PHACTR4: variants seen among roughly 807,000 people sequenced by gnomAD.
PHACTR4 encodes the protein phosphatase and actin regulator 4, also known as protein phosphatase 1, regulatory subunit 124.
A neutral mutation model predicts 72.7 loss-of-function variants in PHACTR4; 51 were observed. The observed-to-expected ratio is 0.70, with a 90% CI of 0.56 to 0.89. The LOEUF (loss-of-function observed/expected upper bound fraction) is 0.89. Ranked by LOEUF, PHACTR4 falls within the 40% of genes least tolerant of loss-of-function variation. The probability of loss-of-function intolerance (pLI) is 0.00; values close to 1 mark genes in which losing one functional copy is unlikely to be tolerated. For synonymous variants in PHACTR4, 255 were observed against 302.5 expected (o/e 0.84, Z 1.63); for missense variants, 731 against 861.8 (o/e 0.85, Z 1.90).
chr1:28,481,967 G>A (rs1406196522), intron 9 of PHACTR4, among the ~76,000 whole-genome samples: 4 of 151,772 alleles, frequency 2.6e-5, no homozygotes, highest in South Asian at 2.1e-4. Flanking sequence ...GTGCAATCTC[G>A]GCTTACTGCA....
chr1:28,494,150 A>G (rs1001373580), intron 13 of PHACTR4: 1 of 151,810 alleles, frequency 6.6e-6, no homozygotes, highest in Non-Finnish European at 1.5e-5. Context: ...TCGCTTGAGC[A>G]CAGGAGTTTG....
intron 3 of PHACTR4, among the ~76,000 whole-genome samples, chr1:28,459,640 G>A (rs182460403): frequency 1.3e-5 from 2 of 151,856 alleles, no homozygotes; most frequent in East Asian, 1.9e-4. Flanking sequence ...GGGCTCAAGC[G>A]ATCCTCCCAC....
chr1:28,416,370 A>G (rs1170116014), intron 2 of PHACTR4, among the ~76,000 whole-genome samples: 1 of 152,198 alleles, frequency 6.6e-6, no homozygotes, highest in Non-Finnish European at 1.5e-5. Flanking sequence ...AACACACAAT[A>G]CATATCTGTA....
Position 28,497,071 on chromosome 1 carries a change from G to T in PHACTR4, c.*522G>T, listed in dbSNP as rs1312634434. On this transcript the variant is annotated 3_prime_UTR_variant, in exon 14 of 14. Transcript: ENST00000373839. ...GCCTTCTTACCACACTGGCATATCAGATGAAAGCATTGCACTGTACCTCTC... is the reference window on the plus strand; with the variant it reads ...GCCTTCTTACCACACTGGCATATCATATGAAAGCATTGCACTGTACCTCTC... The T allele has an allele frequency of 5.6e-6, 1 of 178,104 alleles. No individual in the cohort carries two copies. The highest frequency in any genetic ancestry group is 1.2e-5 in the Non-Finnish European group (1 of 84,526). 11.0% of individuals were successfully genotyped at this position (178,104 alleles called of 1,614,324 possible).
At position 28,409,951 on chromosome 1, in the gene PHACTR4, ATTTTTTTTTTTTTTT is replaced by A. The variant is rs57186471; in HGVS notation, c.16+2508_16+2522del. 4.2e-4 allele frequency among the ~76,000 whole-genome samples: 28 copies of A among 66,362 alleles called. 1 individual carries two copies. The highest frequency in any genetic ancestry group is 3.4e-3 in the South Asian group (5 of 1,454). 43.5% of individuals were successfully genotyped at this position (66,362 alleles called of 152,430 possible). ...GAGGGCAGTCTGTACTTCTTCATAA[ATTTTTTTTTTTTTTT>A]TTTTTTTTTTTTTTTTTTTGAGACA... On this transcript the variant is annotated intron_variant, in intron 2 of 13. Coordinates refer to ENST00000373839, the MANE Select transcript of PHACTR4 (RefSeq NM_001048183.3).
chr1:28,380,287 A>C (rs1322144908), intron 1 of PHACTR4, among the ~76,000 whole-genome samples: 1 of 150,902 alleles, frequency 6.6e-6, no homozygotes, highest in Non-Finnish European at 1.5e-5. Context: ...CGATCTCCTG[A>C]CCTCGTGATC....
At chr1:28,449,681 G>T (rs1419473006) in intron 2 of PHACTR4, among the ~76,000 whole-genome samples, 4 of 151,900 alleles carry the variant, frequency 2.6e-5, no homozygotes, top group Non-Finnish European at 5.9e-5. Flanking sequence ...GTGAAACCCT[G>T]TCTCTACTAA....
intron 1 of PHACTR4, among the ~76,000 whole-genome samples, chr1:28,389,108 A>G (rs368878618): frequency 6.6e-6 from 1 of 151,714 alleles, no homozygotes; most frequent in African/African-American, 2.4e-5. Context: ...TTTGTAAACT[A>G]TATGTATGAT....
chr1:28,495,244 GTC>G (rs1166823114), intron 13 of PHACTR4, among the ~76,000 whole-genome samples: 4 of 152,104 alleles, frequency 2.6e-5, no homozygotes, highest in Admixed American at 2.6e-4. Flanking sequence ...ATAAGATAAA[GTC>G]TCTGTCCTCA....
chr1:28,376,732 G>A (rs1424413576), intron 1 of PHACTR4, among the ~76,000 whole-genome samples: 1 of 151,862 alleles, frequency 6.6e-6, no homozygotes, highest in East Asian at 1.9e-4. Flanking sequence ...CACCTCCCGG[G>A]TTCACGCCAT....
At chr1:28,470,209 G>A (rs1315780668) in intron 6 of PHACTR4, among the ~76,000 whole-genome samples, 4 of 151,730 alleles carry the variant, frequency 2.6e-5, no homozygotes, top group African/African-American at 9.7e-5. Flanking sequence ...CCTGAGCAAC[G>A]TAGCAAGACC....
intron 1 of PHACTR4, among the ~76,000 whole-genome samples, chr1:28,373,655 G>C (rs1651420751): frequency 1.3e-5 from 2 of 151,966 alleles, no homozygotes; most frequent in Admixed American, 1.3e-4. Flanking sequence ...CAAATTCCTT[G>C]GCTCAGGCGA....
chr1:28,424,262 G>T (rs114276663), intron 2 of PHACTR4, among the ~76,000 whole-genome samples: 1,733 of 152,094 alleles, frequency 0.011, 39 homozygotes, highest in African/African-American at 0.04. Context: ...TGTGAACAGG[G>T]CTCACTGCAG....
At chr1:28,480,078 T>C (rs1013772135) in intron 8 of PHACTR4, among the ~76,000 whole-genome samples, 6 of 152,208 alleles carry the variant, frequency 3.9e-5, no homozygotes, top group Middle Eastern at 3.2e-3. Flanking sequence ...TCCTGATTAA[T>C]TGAAGTAGAA....
chr1:28,407,569 C>G (rs1215999277), intron 2 of PHACTR4, 106 bp downstream of exon 2: 2 of 926,822 alleles, frequency 2.2e-6, no homozygotes, highest in South Asian at 3.1e-5. Context: ...CAGTATGCTA[C>G]TCTCTAGAAT....
At chr1:28,404,985 C>G (rs1007357672) in intron 1 of PHACTR4, among the ~76,000 whole-genome samples, 1 of 152,050 alleles carries the variant, frequency 6.6e-6, no homozygotes, top group African/African-American at 2.4e-5. Flanking sequence ...GGTTTAGCTC[C>G]CAACACTTGT....
chr1:28,463,218 G>T (rs565103535), intron 4 of PHACTR4, among the ~76,000 whole-genome samples: 25 of 152,080 alleles, frequency 1.6e-4, no homozygotes, highest in Admixed American at 3.3e-4. Context: ...AAAAAAGGTG[G>T]CTTTTGGCTT....
At chr1:28,462,689 T>C (rs1478391277) in intron 4 of PHACTR4, among the ~76,000 whole-genome samples, 2 of 152,164 alleles carry the variant, frequency 1.3e-5, no homozygotes, top group African/African-American at 2.4e-5. Context: ...TACTTTCTAT[T>C]AGCCCCTAAT....
chr1:28,476,349 T>C (rs1659918480), intron 8 of PHACTR4, 58 bp downstream of exon 8: 1 of 1,476,990 alleles, frequency 6.8e-7, no homozygotes. Context: ...AACTATTTGC[T>C]GATCTTAGCA....
Sources: allele counts gnomAD v4.1 joint callset (sites outside exome capture counted in the v4.1 genomes callset), GRCh38; gene constraint gnomAD v4.1.1; transcripts MANE v1.5; gene names NCBI Gene and HGNC (gene_info 2026-07-23, HGNC 2026-07-21).